Variants in ERC2 observed in about 807,000 individuals in gnomAD.
The protein encoded by ERC2 is ELKS/RAB6-interacting/CAST family member 2.
In ERC2, 42 loss-of-function variants were observed where a neutral mutation model predicts 114.8. The ratio of observed to expected loss-of-function variants is 0.37; its 90% CI spans 0.29 to 0.47. ERC2 has a LOEUF of 0.47. Among genes scored for constraint, ERC2 ranks in the 20% least tolerant of loss-of-function variants. The pLI, the probability that ERC2 is intolerant of heterozygous loss-of-function variation, is 0.99. For synonymous variants in ERC2, 454 were observed against 425.5 expected (o/e 1.07, Z -0.82); for missense variants, 939 against 1,150.7 (o/e 0.82, Z 2.66).
intron 12 of ERC2, among the ~76,000 whole-genome samples, chr3:55,961,114 T>C (rs1454928223): frequency 6.6e-6 from 1 of 152,160 alleles, no homozygotes; most frequent in Non-Finnish European, 1.5e-5. Flanking sequence ...GAACAAAACT[T>C]TGTCTCAAAA....
At position 55,874,289 on chromosome 3, in the gene ERC2, G is replaced by A. The variant is rs533587372; in HGVS notation, c.2564+14100C>T. ...TCTAGGCTGAAGAATAAGGCGGGGA[G>A]GCTTTTCTTTGTACATGGAAGGAGT... On this transcript the variant is annotated intron_variant, in intron 14 of 17. Transcript: ENST00000288221. Among the ~76,000 whole-genome samples, 3 of 152,254 alleles carry A rather than the reference G, an allele frequency of 2.0e-5. No homozygotes were observed. In the East Asian group the frequency reaches 5.8e-4, roughly 29 times the overall value.
intron 17 of ERC2, among the ~76,000 whole-genome samples, chr3:55,669,944 G>C (rs1252653045): frequency 1.3e-5 from 2 of 152,284 alleles, no homozygotes; most frequent in Non-Finnish European, 2.9e-5. Context: ...AGATATTGAC[G>C]TGGCAAGCCT....
At chr3:56,030,253 T>C (rs1396157999) in intron 7 of ERC2, among the ~76,000 whole-genome samples, 4 of 152,324 alleles carry the variant, frequency 2.6e-5, no homozygotes, top group East Asian at 1.9e-4. Flanking sequence ...GTGAATATTA[T>C]ATATGTACTT....
intron 14 of ERC2, among the ~76,000 whole-genome samples, chr3:55,781,813 A>C (rs2069075788): frequency 6.7e-6 from 1 of 149,614 alleles, no homozygotes; most frequent in South Asian, 2.2e-4. Flanking sequence ...TGGAGGTTGC[A>C]GTGAGCCGAG....
At chr3:56,260,254 T>A (rs1233490435) in intron 3 of ERC2, among the ~76,000 whole-genome samples, 1 of 152,166 alleles carries the variant, frequency 6.6e-6, no homozygotes, top group Non-Finnish European at 1.5e-5. Flanking sequence ...CTCCTCCCCG[T>A]AAGTCCTGGG....
At chr3:55,854,590 C>T (rs961840769) in intron 14 of ERC2, among the ~76,000 whole-genome samples, 2 of 152,120 alleles carry the variant, frequency 1.3e-5, no homozygotes, top group Non-Finnish European at 2.9e-5. Flanking sequence ...AGAGTCTTCT[C>T]GTGTGAAATG....
At position 56,080,943 on chromosome 3, in the gene ERC2, G is replaced by T; in HGVS notation, c.1515C>A (p.Phe505Leu). ...LRLRLEEKES[F>L]LNKKTKQLQD... is the part of the protein sequence containing the mutation. ...GTAGCTGTTTTGTTTTTTTATTGAG[G>T]AAAGATTCTTTTTCTTCCAGTCGTA... Residue 505 changes from phenylalanine (F) to leucine (L), a missense_variant, in exon 7 of 18, where the codon TTC becomes TTA. Coordinates refer to ENST00000288221, the MANE Select transcript of ERC2 (RefSeq NM_015576.3). 6.2e-7 allele frequency: 1 copy of T among 1,613,196 alleles called. No homozygotes were observed. Among genetic ancestry groups the T allele is most frequent in the Non-Finnish European group, 8.5e-7 (1 of 1,179,546 alleles).
At chr3:56,209,225 G>A (rs1284804697) in intron 3 of ERC2, among the ~76,000 whole-genome samples, 2 of 151,964 alleles carry the variant, frequency 1.3e-5, no homozygotes, top group African/African-American at 4.8e-5. Flanking sequence ...ACCCTTCCTT[G>A]TCTTGAATCT....
intron 14 of ERC2, among the ~76,000 whole-genome samples, chr3:55,874,646 C>G (rs1014431726): frequency 1.3e-5 from 2 of 152,142 alleles, no homozygotes; most frequent in Non-Finnish European, 2.9e-5. Context: ...CCCCACTGTA[C>G]TGGTCTGAGT....
chr3:55,791,186 T>C (rs2069984376), intron 14 of ERC2, among the ~76,000 whole-genome samples: 1 of 152,166 alleles, frequency 6.6e-6, no homozygotes, highest in African/African-American at 2.4e-5. Flanking sequence ...AGGAAGTAAA[T>C]GAAAATTGGG....
intron 17 of ERC2, among the ~76,000 whole-genome samples, chr3:55,541,977 A>C (rs1174953800): frequency 6.6e-6 from 1 of 152,210 alleles, no homozygotes; most frequent in Non-Finnish European, 1.5e-5. Context: ...AGCATTTTCC[A>C]AGCGCTGTGA....
intron 7 of ERC2, among the ~76,000 whole-genome samples, chr3:56,056,548 T>A (rs2076022083): frequency 6.6e-6 from 1 of 152,196 alleles, no homozygotes. Flanking sequence ...GTATGTATTA[T>A]GTATCATACA....
chr3:56,423,564 C>T (rs747139312), intron 2 of ERC2, among the ~76,000 whole-genome samples: 2 of 152,226 alleles, frequency 1.3e-5, no homozygotes, highest in Non-Finnish European at 2.9e-5. Flanking sequence ...ACAGCTCACG[C>T]CCAGCCATGG....
At chr3:55,871,248 C>T (rs947920633) in intron 14 of ERC2, among the ~76,000 whole-genome samples, 1 of 152,156 alleles carries the variant, frequency 6.6e-6, no homozygotes, top group Non-Finnish European at 1.5e-5. Context: ...TCAGTTATTG[C>T]TCAATAAATG....
At chr3:56,352,327 G>T (rs1480906447) in intron 2 of ERC2, among the ~76,000 whole-genome samples, 1 of 152,186 alleles carries the variant, frequency 6.6e-6, no homozygotes, top group Non-Finnish European at 1.5e-5. Context: ...TTAGGAGACA[G>T]CATCAGTAGG....
intron 3 of ERC2, among the ~76,000 whole-genome samples, chr3:56,238,005 T>TGCA (rs1442508931): frequency 2.0e-5 from 3 of 152,148 alleles, no homozygotes; most frequent in African/African-American, 7.2e-5. Context: ...ACTATTGAGC[T>TGCA]GCATAATGTT....
At chr3:56,023,521 A>G (rs1052194708) in intron 7 of ERC2, among the ~76,000 whole-genome samples, 4 of 151,778 alleles carry the variant, frequency 2.6e-5, no homozygotes, top group African/African-American at 9.7e-5. Flanking sequence ...GCTCTACTCA[A>G]ACCTTTAGAT....
At chr3:55,848,672 A>G (rs1398677830) in intron 14 of ERC2, among the ~76,000 whole-genome samples, 1 of 152,188 alleles carries the variant, frequency 6.6e-6, no homozygotes, top group Non-Finnish European at 1.5e-5. Context: ...ATAGTTGGTC[A>G]TCTTGTCCTC....
At chr3:55,698,255 G>T (rs1201088830) in intron 16 of ERC2, among the ~76,000 whole-genome samples, 1 of 151,974 alleles carries the variant, frequency 6.6e-6, no homozygotes, top group African/African-American at 2.4e-5. Flanking sequence ...TCAGGGGCTG[G>T]GGAGCCTCCT....
Sources: gnomAD v4.1 joint callset for allele counts (sites outside exome capture counted in the v4.1 genomes callset) on GRCh38, gnomAD v4.1.1 for gene constraint, MANE v1.5 for transcripts, NCBI Gene and HGNC (gene_info 2026-07-23, HGNC 2026-07-21) for gene names.